Variants in VPS8 observed in about 807,000 individuals in gnomAD.
The protein encoded by VPS8 is vacuolar protein sorting-associated protein 8 homolog.
VPS8 carries 129 observed loss-of-function variants against 216.4 expected under a neutral mutation model. The ratio of observed to expected loss-of-function variants is 0.60; its 90% CI spans 0.52 to 0.69. VPS8 has a LOEUF of 0.69. Among genes scored for constraint, VPS8 ranks in the 30% least tolerant of loss-of-function variants. The probability of loss-of-function intolerance (pLI) is 0.00; values close to 1 mark genes in which losing one functional copy is unlikely to be tolerated. For missense variants in VPS8, 1,531 were observed against 1,683.5 expected (o/e 0.91, Z 1.59); for synonymous variants, 571 against 565.4 (o/e 1.01, Z -0.14).
intron 4 of VPS8, among the ~76,000 whole-genome samples, chr3:184,834,377 T>G (rs990418667): frequency 2.0e-5 from 3 of 152,198 alleles, no homozygotes; most frequent in Non-Finnish European, 4.4e-5. Context: ...TCATACCTCT[T>G]TTAGGAGATA....
At chr3:184,814,285 C>G (rs1228222288) in intron 1 of VPS8, among the ~76,000 whole-genome samples, 2 of 152,230 alleles carry the variant, frequency 1.3e-5, no homozygotes, top group East Asian at 3.8e-4. Flanking sequence ...GTCTCTCTCC[C>G]TTTCTGCAAA....
chr3:184,977,345 C>G (rs959649446), intron 40 of VPS8, among the ~76,000 whole-genome samples: 1 of 152,016 alleles, frequency 6.6e-6, no homozygotes, highest in African/African-American at 2.4e-5. Context: ...CTTATAGATT[C>G]TAGATATTAG....
intron 25 of VPS8, among the ~76,000 whole-genome samples, chr3:184,902,855 G>A (rs1229908065): frequency 1.3e-5 from 2 of 151,216 alleles, no homozygotes; most frequent in Non-Finnish European, 2.9e-5. Flanking sequence ...AGAAATCTTG[G>A]TTCAATTCAG....
At chr3:185,031,972 T>A (rs1326589905) in intron 46 of VPS8, among the ~76,000 whole-genome samples, 2 of 152,216 alleles carry the variant, frequency 1.3e-5, no homozygotes, top group African/African-American at 4.8e-5. Context: ...GAGACCAGCC[T>A]GACCAACATG....
intron 14 of VPS8, among the ~76,000 whole-genome samples, chr3:184,859,061 A>G (rs1274053882): frequency 1.3e-5 from 2 of 152,208 alleles, no homozygotes; most frequent in East Asian, 3.8e-4. Context: ...TTAATTTTTC[A>G]GTCAGAATAG....
At chr3:184,917,396 C>T (rs911215611) in intron 28 of VPS8, among the ~76,000 whole-genome samples, 1 of 152,074 alleles carries the variant, frequency 6.6e-6, no homozygotes, top group African/African-American at 2.4e-5. Flanking sequence ...ATTTGGACTT[C>T]CTTCTTTTCT....
rs368579614 is a variant in VPS8, at chr3:184,930,394, C to T, written c.2800-76C>T. The T allele has an allele frequency of 1.9e-5, 19 of 985,160 alleles. 1 individual carries two copies. Among genetic ancestry groups the T allele is most frequent in the South Asian group, 1.3e-4 (8 of 60,876 alleles). 61.0% of individuals were successfully genotyped at this position (985,160 alleles called of 1,614,324 possible). ...TTCATCTTCAGATAATAGATGTTTA[C>T]CAAGACTGGTTCAGTTGGTAGGGAC... On this transcript the variant is annotated intron_variant, in intron 33 of 47. Coordinates refer to ENST00000625842, the MANE Select transcript of VPS8 (RefSeq NM_001009921.3).
chr3:185,012,299 T>C (rs1755130121), intron 45 of VPS8, among the ~76,000 whole-genome samples: 1 of 147,324 alleles, frequency 6.8e-6, no homozygotes, highest in Non-Finnish European at 1.5e-5. Flanking sequence ...TTATATATTA[T>C]ATAATTATAT....
chr3:184,877,844 A>C (rs1333155336), intron 21 of VPS8, among the ~76,000 whole-genome samples: 1 of 152,332 alleles, frequency 6.6e-6, no homozygotes, highest in South Asian at 2.1e-4. Flanking sequence ...ATATATGAAA[A>C]AGAAAATACA....
At chr3:184,855,854 A>G (rs1725150007) in intron 14 of VPS8, 36 bp downstream of exon 14, 1 of 1,524,808 alleles carries the variant, frequency 6.6e-7, no homozygotes, top group African/African-American at 1.4e-5. Context: ...AGCCTCTTAC[A>G]ATTTTTTTTA....
chr3:185,034,740 T>C (rs1758650580), intron 46 of VPS8, among the ~76,000 whole-genome samples: 1 of 152,126 alleles, frequency 6.6e-6, no homozygotes, highest in South Asian at 2.1e-4. Context: ...TGTTTATTTT[T>C]GCATTTGTTG....
chr3:185,035,962 C>G (rs1334079333), intron 46 of VPS8, among the ~76,000 whole-genome samples: 1 of 152,144 alleles, frequency 6.6e-6, no homozygotes, highest in Non-Finnish European at 1.5e-5. Context: ...TATACACCAG[C>G]AGTGTTCAGG....
chr3:184,813,110 A>G (rs988010771), intron 1 of VPS8, among the ~76,000 whole-genome samples: 2 of 152,034 alleles, frequency 1.3e-5, no homozygotes, highest in Non-Finnish European at 1.5e-5. Context: ...TTACAGGAGG[A>G]TAGGGTGGGA....
At chr3:185,002,166 A>G (rs77281630) in intron 45 of VPS8, among the ~76,000 whole-genome samples, 1,694 of 152,356 alleles carry the variant, frequency 0.011, 33 homozygotes, top group African/African-American at 0.039. Context: ...ATGTGTGCCA[A>G]TACTTATGGC....
At chr3:184,895,219 G>T (rs996038414) in intron 23 of VPS8, among the ~76,000 whole-genome samples, 2 of 152,124 alleles carry the variant, frequency 1.3e-5, no homozygotes, top group African/African-American at 4.8e-5. Context: ...CTCTATAAAT[G>T]CTTGTTAACT....
At chr3:184,943,353 T>C (rs1743087412) in intron 36 of VPS8, among the ~76,000 whole-genome samples, 1 of 152,192 alleles carries the variant, frequency 6.6e-6, no homozygotes, top group Non-Finnish European at 1.5e-5. Flanking sequence ...AGCACATGGA[T>C]TGGTTTATAT....
intron 36 of VPS8, among the ~76,000 whole-genome samples, chr3:184,946,775 T>G (rs1221197823): frequency 6.6e-6 from 1 of 152,162 alleles, no homozygotes; most frequent in Non-Finnish European, 1.5e-5. Flanking sequence ...TCATCCACAC[T>G]GTTTTCTTGA....
chr3:184,855,710 G>A lies in VPS8; in HGVS notation c.1036-1G>A. The A allele has an allele frequency of 6.2e-7, 1 of 1,609,836 alleles. No individual in the cohort carries two copies. Among genetic ancestry groups the A allele is most frequent in the Admixed American group, 1.7e-5 (1 of 59,314 alleles). On this transcript the variant is annotated splice_acceptor_variant, in intron 13 of 47. Coordinates refer to ENST00000625842, the MANE Select transcript of VPS8 (RefSeq NM_001009921.3). LOFTEE classifies it high-confidence loss of function. ...TTTTTTTTTTCCATCTCCCTACTTA[G>A]ATGGATCCTTCCAGTGTGCCACTGC...
intron 17 of VPS8, 97 bp downstream of exon 17, chr3:184,867,047 A>G (rs907054008): frequency 1.8e-6 from 2 of 1,100,894 alleles, no homozygotes; most frequent in Non-Finnish European, 2.6e-6. Context: ...TTGCAAAGTG[A>G]ATATTGGTCA....
Sources: allele counts gnomAD v4.1 joint callset (sites outside exome capture counted in the v4.1 genomes callset), GRCh38; gene constraint gnomAD v4.1.1; transcripts MANE v1.5; gene names NCBI Gene and HGNC (gene_info 2026-07-23, HGNC 2026-07-21).